NALF1: variants seen among roughly 807,000 people sequenced by gnomAD.
NALF1 encodes the protein family with sequence similarity 155 member A.
NALF1 carries 3 observed loss-of-function variants against 48.4 expected under a neutral mutation model. The ratio of observed to expected loss-of-function variants is 0.06; its 90% CI spans 0.03 to 0.16. The LOEUF (loss-of-function observed/expected upper bound fraction) is 0.16. NALF1 is among the 10% of genes least tolerant of loss of function. NALF1 has a pLI of 1.00. For synonymous variants in NALF1, 262 were observed against 245.7 expected, an observed-to-expected ratio of 1.07 and a Z score of -0.62; for missense variants, 526 against 571.5, an observed-to-expected ratio of 0.92 and a Z score of 0.81.
At chr13:107,344,154 C>T (rs1047694328) in intron 1 of NALF1, among the ~76,000 whole-genome samples, 1 of 151,998 alleles carries the variant, frequency 6.6e-6, no homozygotes, top group Non-Finnish European at 1.5e-5. Flanking sequence ...ATTAGAAAAT[C>T]GCAACAGATT....
intron 1 of NALF1, among the ~76,000 whole-genome samples, chr13:107,639,082 TCTC>T (rs1438851414): frequency 6.6e-6 from 1 of 152,132 alleles, no homozygotes; most frequent in African/African-American, 2.4e-5. Flanking sequence ...AGCAAATTGT[TCTC>T]CTGAGAGAAA....
chr13:107,256,766 A>C (rs528725207), intron 1 of NALF1, among the ~76,000 whole-genome samples: 27 of 152,328 alleles, frequency 1.8e-4, no homozygotes, highest in African/African-American at 5.8e-4. Context: ...AGGAGTTTGC[A>C]AGAATCAGCA....
At chr13:107,629,777 T>C (rs1248735238) in intron 1 of NALF1, among the ~76,000 whole-genome samples, 1 of 152,186 alleles carries the variant, frequency 6.6e-6, no homozygotes, top group East Asian at 1.9e-4. Context: ...ATGAAAGATA[T>C]TCTCTTAAAT....
chr13:107,726,063 G>C (rs1393327406), intron 1 of NALF1, among the ~76,000 whole-genome samples: 1 of 152,026 alleles, frequency 6.6e-6, no homozygotes, highest in African/African-American at 2.4e-5. Flanking sequence ...CCTCATCTCT[G>C]TCTCTCTCTC....
At chr13:107,790,381 A>G (rs1477698513) in intron 1 of NALF1, among the ~76,000 whole-genome samples, 4 of 152,206 alleles carry the variant, frequency 2.6e-5, no homozygotes, top group Non-Finnish European at 4.4e-5. Flanking sequence ...ATACTAAAAT[A>G]TTACAAAGAC....
chr13:107,459,757 T>C (rs377135158), intron 1 of NALF1, among the ~76,000 whole-genome samples: 2 of 152,140 alleles, frequency 1.3e-5, no homozygotes, highest in East Asian at 3.9e-4. Flanking sequence ...TTTTATTTTC[T>C]TGAGTCAGGG....
At chr13:107,771,466 G>A (rs1031818482) in intron 1 of NALF1, among the ~76,000 whole-genome samples, 1 of 145,790 alleles carries the variant, frequency 6.9e-6, no homozygotes, top group Non-Finnish European at 1.5e-5. Flanking sequence ...ATATATGTAT[G>A]CATATTATAA....
intron 1 of NALF1, among the ~76,000 whole-genome samples, chr13:107,255,744 AG>A: frequency 6.6e-6 from 1 of 152,302 alleles, no homozygotes; most frequent in East Asian, 1.9e-4. Context: ...TAATAATCTG[AG>A]GCAACTTGGG....
chr13:107,536,232 C>T (rs1474788465), intron 1 of NALF1, among the ~76,000 whole-genome samples: 2 of 152,156 alleles, frequency 1.3e-5, no homozygotes, highest in Admixed American at 6.5e-5. Flanking sequence ...CAAATGGGAT[C>T]TAATTAAACT....
At chr13:107,232,618 G>A (rs1046938830) in intron 1 of NALF1, among the ~76,000 whole-genome samples, 16 of 152,076 alleles carry the variant, frequency 1.1e-4, no homozygotes, top group Admixed American at 2.6e-4. Context: ...TAGAATTTCC[G>A]ATATCACATT....
chr13:107,820,482 C>T (rs903107388), intron 1 of NALF1, among the ~76,000 whole-genome samples: 2 of 152,170 alleles, frequency 1.3e-5, no homozygotes, highest in African/African-American at 4.8e-5. Flanking sequence ...TTGCCCTCAG[C>T]CTTGCTACCG....
At position 107,558,545 on chromosome 13, in the gene NALF1, T is replaced by A. The variant is rs4772885; in HGVS notation, c.915+307137A>T. ...TGCCTATGCTTGTTTTCACAGAATA[T>A]AACTAAATCACTCCTTACTCTCACC... On this transcript the variant is annotated intron_variant, in intron 1 of 2. Coordinates refer to ENST00000375915, the MANE Select transcript of NALF1 (RefSeq NM_001080396.3). Among the ~76,000 whole-genome samples, 3,768 of 152,272 alleles carry A rather than the reference T, an allele frequency of 0.025. 397 individuals carry two copies. In the East Asian group the frequency reaches 0.36, roughly 15 times the overall value.
intron 1 of NALF1, among the ~76,000 whole-genome samples, chr13:107,353,591 C>T (rs1468599091): frequency 6.6e-6 from 1 of 152,146 alleles, no homozygotes; most frequent in Non-Finnish European, 1.5e-5. Context: ...ATTCAGAATT[C>T]AGAAGTTCAT....
chr13:107,215,237 T>C (rs1422381648), intron 1 of NALF1, among the ~76,000 whole-genome samples: 1 of 152,258 alleles, frequency 6.6e-6, no homozygotes, highest in African/African-American at 2.4e-5. Flanking sequence ...GTATTATTCA[T>C]TCCGAACATA....
At chr13:107,641,539 A>C (rs940164811) in intron 1 of NALF1, among the ~76,000 whole-genome samples, 11 of 152,242 alleles carry the variant, frequency 7.2e-5, no homozygotes, top group African/African-American at 2.7e-4. Flanking sequence ...TTAAAAAAAT[A>C]AACATGAGTC....
intron 1 of NALF1, among the ~76,000 whole-genome samples, chr13:107,266,190 T>C (rs1015761228): frequency 6.6e-6 from 1 of 152,226 alleles, no homozygotes; most frequent in Non-Finnish European, 1.5e-5. Flanking sequence ...GATAGCTTCC[T>C]TCTATCACAC....
At chr13:107,759,818 G>A (rs1456257971) in intron 1 of NALF1, among the ~76,000 whole-genome samples, 1 of 151,582 alleles carries the variant, frequency 6.6e-6, no homozygotes, top group African/African-American at 2.4e-5. Flanking sequence ...TCTCTTCCCA[G>A]AGAATCTGTT....
At chr13:107,208,843 C>T (rs896684812) in intron 2 of NALF1, among the ~76,000 whole-genome samples, 1 of 152,014 alleles carries the variant, frequency 6.6e-6, no homozygotes, top group Admixed American at 6.5e-5. Flanking sequence ...ATCCTCCTTC[C>T]CTCCTTCCCT....
chr13:107,537,559 G>A (rs563666694), intron 1 of NALF1, among the ~76,000 whole-genome samples: 29 of 152,032 alleles, frequency 1.9e-4, no homozygotes, highest in Middle Eastern at 3.4e-3. Context: ...GTCTTATATC[G>A]GAATGTGAAA....
Sources: gnomAD v4.1 joint callset for allele counts (sites outside exome capture counted in the v4.1 genomes callset) on GRCh38, gnomAD v4.1.1 for gene constraint, MANE v1.5 for transcripts, NCBI Gene and HGNC (gene_info 2026-07-23, HGNC 2026-07-21) for gene names.